The following TMEM63C variants were observed in gnomAD, a reference collection of about 807,000 sequenced individuals.
The protein encoded by TMEM63C is transmembrane protein 63C.
Under a neutral mutation model 99.2 loss-of-function variants are expected in TMEM63C, and 32 were observed. The ratio of observed to expected loss-of-function variants is 0.32; its 90% CI spans 0.24 to 0.43. TMEM63C has a LOEUF of 0.43. Ranked by LOEUF, TMEM63C falls within the 20% of genes least tolerant of loss-of-function variation. TMEM63C has a pLI of 1.00. For synonymous variants in TMEM63C, 376 were observed against 397.9 expected (o/e 0.94, Z 0.66); for missense variants, 826 against 1,053.0 (o/e 0.78, Z 2.98).
intron 1 of TMEM63C, among the ~76,000 whole-genome samples, chr14:77,196,769 G>A (rs1478354889): frequency 6.6e-6 from 1 of 152,242 alleles, no homozygotes; most frequent in East Asian, 1.9e-4. Context: ...TGTATCAATA[G>A]TGTAGTTTCC....
chr14:77,215,592 C>G (rs1888565329), intron 2 of TMEM63C, among the ~76,000 whole-genome samples: 1 of 10,572 alleles, frequency 9.5e-5, no homozygotes. Flanking sequence ...CAGAGTGAGA[C>G]TCTGTCTCAA....
intron 18 of TMEM63C, among the ~76,000 whole-genome samples, chr14:77,247,183 T>C (rs1293700776): frequency 6.6e-6 from 1 of 151,884 alleles, no homozygotes; most frequent in Admixed American, 6.6e-5. Context: ...ATTTTTGACA[T>C]AGTCTTTATA....
At chr14:77,233,237 G>T (rs1286851687) in intron 7 of TMEM63C, among the ~76,000 whole-genome samples, 1 of 152,122 alleles carries the variant, frequency 6.6e-6, no homozygotes, top group South Asian at 2.1e-4. Context: ...AAGTGTTCTC[G>T]CTTTCCTCCC....
At position 77,249,394 on chromosome 14, in the gene TMEM63C, C is replaced by T. The variant is rs1380596127; in HGVS notation, c.1974C>T (p.Ser658=). 2.5e-6 allele frequency: 4 copies of T among 1,614,054 alleles called. No individual in the cohort carries two copies. Among genetic ancestry groups the T allele is most frequent in the Non-Finnish European group, 3.4e-6 (4 of 1,179,906 alleles). Residue 658 remains serine (S), a synonymous_variant, in exon 21 of 24, where the codon TCC becomes TCT. Transcript: ENST00000298351. ...LNEQIHMAAV[S]QAIFAPLLGL... ...AGCAGATCCACATGGCTGCCGTCTC[C>T]CAGGCCATCTTTGCGCCACTCTTGG...
intron 8 of TMEM63C, 25 bp from the exon 9 acceptor site, chr14:77,236,599 A>G: frequency 6.4e-7 from 1 of 1,553,718 alleles, no homozygotes; most frequent in Non-Finnish European, 8.9e-7. Flanking sequence ...GGCTGACCTC[A>G]CTGCTGCTGC....
chr14:77,207,921 T>C (rs1003250967), intron 1 of TMEM63C, among the ~76,000 whole-genome samples: 1 of 152,176 alleles, frequency 6.6e-6, no homozygotes, highest in Non-Finnish European at 1.5e-5. Context: ...CTTGTTGGAA[T>C]CAGCGTTCTC....
intron 1 of TMEM63C, among the ~76,000 whole-genome samples, chr14:77,194,834 G>A (rs553344157): frequency 5.2e-4 from 78 of 151,450 alleles, no homozygotes; most frequent in Non-Finnish European, 8.4e-4. Flanking sequence ...CTCCCACCTC[G>A]GCCTCCCAAA....
At chr14:77,230,168 C>T (rs1213437426) in intron 6 of TMEM63C, among the ~76,000 whole-genome samples, 1 of 151,536 alleles carries the variant, frequency 6.6e-6, no homozygotes, top group Non-Finnish European at 1.5e-5. Context: ...TGCCACTGCC[C>T]TCCAGCCTGG....
chr14:77,256,396 G>A, intron 23 of TMEM63C, 130 bp from the exon 24 acceptor site: 1 of 859,488 alleles, frequency 1.2e-6, no homozygotes, highest in Non-Finnish European at 1.8e-6. Flanking sequence ...CAGGCTGCTG[G>A]GGAAGAAGGC....
intron 1 of TMEM63C, among the ~76,000 whole-genome samples, chr14:77,204,251 T>A (rs999989248): frequency 6.6e-6 from 1 of 152,226 alleles, no homozygotes; most frequent in African/African-American, 2.4e-5. Context: ...CGCCACATTT[T>A]TTTTTTAAAT....
intron 1 of TMEM63C, among the ~76,000 whole-genome samples, chr14:77,192,435 C>T (rs11620648): frequency 0.096 from 14,572 of 152,064 alleles, 1,041 homozygotes; most frequent in African/African-American, 0.21. Flanking sequence ...ATAGTCAAAT[C>T]GGAATTTTGA....
chr14:77,197,380 G>C (rs912324909), intron 1 of TMEM63C, among the ~76,000 whole-genome samples: 1 of 152,158 alleles, frequency 6.6e-6, no homozygotes, highest in Non-Finnish European at 1.5e-5. Context: ...CATTCCCAGG[G>C]CCCCAGCCCT....
chr14:77,188,318 A>G (rs1888038000), intron 1 of TMEM63C, among the ~76,000 whole-genome samples: 2 of 152,236 alleles, frequency 1.3e-5, no homozygotes, highest in Admixed American at 1.3e-4. Flanking sequence ...CAGGTCCTCC[A>G]GTAGTTCATG....
At chr14:77,199,590 A>G (rs1185955527) in intron 1 of TMEM63C, among the ~76,000 whole-genome samples, 1 of 152,100 alleles carries the variant, frequency 6.6e-6, no homozygotes, top group Non-Finnish European at 1.5e-5. Context: ...CCAGTCTCCA[A>G]ATGCCACCTC....
intron 1 of TMEM63C, among the ~76,000 whole-genome samples, chr14:77,207,086 C>T (rs1274613670): frequency 6.6e-6 from 1 of 152,218 alleles, no homozygotes; most frequent in Non-Finnish European, 1.5e-5. Flanking sequence ...TCTCCAGCAC[C>T]CCCTGGGCAC....
Position 77,256,735 on chromosome 14 carries a change from T to A in TMEM63C, c.*9T>A. On this transcript the variant is annotated 3_prime_UTR_variant, in exon 24 of 24. Coordinates refer to ENST00000298351, the MANE Select transcript of TMEM63C (RefSeq NM_020431.4). ...AGAACCAGTACCACTGACCGGGACC[T>A]GAGGCCTCCACTGGCGACTTGTTGA... 1 of 1,612,564 alleles carries A rather than the reference T, an allele frequency of 6.2e-7. No individual in the cohort carries two copies. The highest frequency in any genetic ancestry group is 8.5e-7 in the Non-Finnish European group (1 of 1,178,898).
rs193298120 is a variant in TMEM63C, at chr14:77,227,057, C to T, written c.350+1596C>T. Among the ~76,000 whole-genome samples the T allele has an allele frequency of 4.6e-5, 7 of 152,284 alleles. No individual in the cohort carries two copies. In the South Asian group the frequency reaches 6.2e-4, roughly 14 times the overall value. On this transcript the variant is annotated intron_variant, in intron 6 of 23. Transcript: ENST00000298351. ...TGCTGGGATTACAGGCATGAGCCAC[C>T]GCACTGGGCCTCAGCTGGGACCTTG... is the stretch of plus-strand genomic sequence containing the variant.
In TMEM63C at chr14:77,218,831, C is replaced by G; in HGVS notation, c.18C>G (p.Asp6Glu). Reference protein sequence around the residue: MSASPDDLSTGGRLQN... With the variant: MSASPEDLSTGGRLQN... ...CTCCCAGGATGTCTGCCTCACCAGACGACCTGAGTACAGGGGGAAGGTTAC... is the reference window on the plus strand; with the variant it reads ...CTCCCAGGATGTCTGCCTCACCAGAGGACCTGAGTACAGGGGGAAGGTTAC... Residue 6 changes from aspartate (D) to glutamate (E), a missense_variant, in exon 3 of 24, where the codon GAC becomes GAG. By Grantham distance (45) the Asp-to-Glu change is conservative. Transcript: ENST00000298351. 2 of 1,613,472 alleles carry G rather than the reference C, an allele frequency of 1.2e-6. No homozygotes were observed. Among genetic ancestry groups the G allele is most frequent in the Non-Finnish European group, 1.7e-6 (2 of 1,179,720 alleles).
intron 1 of TMEM63C, among the ~76,000 whole-genome samples, chr14:77,210,017 A>T (rs767156255): frequency 6.6e-6 from 1 of 152,292 alleles, no homozygotes; most frequent in Non-Finnish European, 1.5e-5. Context: ...ACACTGTGAC[A>T]TGGTTTAAGA....
Sources: allele counts gnomAD v4.1 joint callset (sites outside exome capture counted in the v4.1 genomes callset), GRCh38; gene constraint gnomAD v4.1.1; transcripts MANE v1.5; gene names NCBI Gene and HGNC (gene_info 2026-07-23, HGNC 2026-07-21).